Variants in LIPC observed in about 807,000 individuals in gnomAD.
LIPC encodes the protein lipase C, hepatic type, also known as hepatic triacylglycerol lipase.
In LIPC, 44 loss-of-function variants were observed where a neutral mutation model predicts 50.7. The observed-to-expected ratio is 0.87, with a 90% confidence interval of 0.68 to 1.11. The LOEUF is 1.11. Among genes scored for constraint, LIPC ranks in the 50% most tolerant of loss-of-function variants. The pLI, the probability that LIPC is intolerant of heterozygous loss-of-function variation, is 0.00. For missense variants in LIPC, 697 were observed against 648.2 expected (o/e 1.08, Z -0.82); for synonymous variants, 271 against 256.4 (o/e 1.06, Z -0.54).
At chr15:58,503,500 G>A (rs1892053544) in intron 1 of LIPC, among the ~76,000 whole-genome samples, 1 of 152,186 alleles carries the variant, frequency 6.6e-6, no homozygotes, top group Non-Finnish European at 1.5e-5. Flanking sequence ...GACTTGGTCT[G>A]CATGGGGCAG....
chr15:58,505,256 G>C (rs1892109636), intron 1 of LIPC, among the ~76,000 whole-genome samples: 1 of 152,238 alleles, frequency 6.6e-6, no homozygotes, highest in Non-Finnish European at 1.5e-5. Context: ...GCCAACTCCA[G>C]CCTCTGCTAC....
intron 8 of LIPC, among the ~76,000 whole-genome samples, chr15:58,564,708 C>G (rs1373625995): frequency 1.3e-5 from 2 of 152,076 alleles, no homozygotes; most frequent in Non-Finnish European, 2.9e-5. Flanking sequence ...GCCTGGATGA[C>G]AGAGAGAGAG....
At chr15:58,503,457 C>T (rs1330983561) in intron 1 of LIPC, among the ~76,000 whole-genome samples, 3 of 152,126 alleles carry the variant, frequency 2.0e-5, no homozygotes, top group African/African-American at 7.2e-5. Flanking sequence ...CTGGTGGTAC[C>T]AAGGAATCAT....
chr15:58,562,741 G>A (rs749273467), intron 7 of LIPC, among the ~76,000 whole-genome samples: 8 of 152,076 alleles, frequency 5.3e-5, no homozygotes, highest in South Asian at 2.1e-4. Flanking sequence ...CTGGCAGGGC[G>A]GGGGGATTCC....
At chr15:58,508,834 A>G (rs1268953458) in intron 1 of LIPC, among the ~76,000 whole-genome samples, 16 of 150,394 alleles carry the variant, frequency 1.1e-4, no homozygotes, top group Admixed American at 1.1e-3. Context: ...GGGTTTTTCA[A>G]CCCTTCATTC....
chr15:58,492,307 T>C (rs1891614353), intron 1 of LIPC, among the ~76,000 whole-genome samples: 1 of 152,180 alleles, frequency 6.6e-6, no homozygotes, highest in African/African-American at 2.4e-5. Flanking sequence ...TCCTAGGTAT[T>C]ATTACATAGC....
chr15:58,478,513 T>TATA (rs1891076944), intron 1 of LIPC, among the ~76,000 whole-genome samples: 1 of 152,198 alleles, frequency 6.6e-6, no homozygotes, highest in Admixed American at 6.5e-5. Context: ...GTGCTAGGAT[T>TATA]ATAAGCATGA....
intron 6 of LIPC, 90 bp from the exon 7 acceptor site, chr15:58,560,774 C>T: frequency 1.4e-6 from 1 of 704,924 alleles, no homozygotes; most frequent in Admixed American, 2.1e-5. Flanking sequence ...CTTCCCTCTG[C>T]ATGTTTAAAT....
intron 1 of LIPC, among the ~76,000 whole-genome samples, chr15:58,443,885 G>A (rs1228796394): frequency 3.3e-5 from 5 of 152,150 alleles, no homozygotes; most frequent in African/African-American, 4.8e-5. Context: ...CATTCTCAAG[G>A]GTGGGGAGAG....
chr15:58,476,819 T>A (rs1354682171), intron 1 of LIPC, among the ~76,000 whole-genome samples: 4 of 152,246 alleles, frequency 2.6e-5, no homozygotes, highest in Non-Finnish European at 5.9e-5. Context: ...GCCTCTGTAC[T>A]TGAGAAGCTG....
chr15:58,481,497 A>C (rs1173274614), intron 1 of LIPC, among the ~76,000 whole-genome samples: 2 of 152,192 alleles, frequency 1.3e-5, no homozygotes, highest in Admixed American at 6.5e-5. Flanking sequence ...CAAGAACACT[A>C]TGCAGCCTTT....
chr15:58,444,753 T>G (rs1595852272), intron 1 of LIPC, among the ~76,000 whole-genome samples: 1 of 152,226 alleles, frequency 6.6e-6, no homozygotes, highest in Admixed American at 6.5e-5. Flanking sequence ...AGTCACATTC[T>G]GAGGTACTGA....
intron 1 of LIPC, among the ~76,000 whole-genome samples, chr15:58,511,274 C>T (rs1395767054): frequency 6.6e-6 from 1 of 152,140 alleles, no homozygotes; most frequent in Non-Finnish European, 1.5e-5. Flanking sequence ...GTCCTCTTCC[C>T]CATTCTTCTC....
intron 6 of LIPC, among the ~76,000 whole-genome samples, chr15:58,558,204 C>G (rs866795800): frequency 3.1e-4 from 47 of 152,096 alleles, no homozygotes; most frequent in African/African-American, 1.1e-3. Context: ...TCCCGAGTAG[C>G]TGGGACTACA....
At chr15:58,457,826 C>T (rs1273341051) in intron 1 of LIPC, among the ~76,000 whole-genome samples, 8 of 152,178 alleles carry the variant, frequency 5.3e-5, no homozygotes, top group African/African-American at 1.7e-4. Context: ...TGTCCACCTC[C>T]GTGATTCACA....
chr15:58,551,461 A>T (rs1012238679), intron 6 of LIPC, among the ~76,000 whole-genome samples: 11 of 152,240 alleles, frequency 7.2e-5, no homozygotes, highest in Admixed American at 2.6e-4. Context: ...TGTCAGTTAC[A>T]CAAGCCACCT....
intron 1 of LIPC, among the ~76,000 whole-genome samples, chr15:58,438,518 G>A (rs1039567148): frequency 6.6e-6 from 1 of 152,020 alleles, no homozygotes; most frequent in East Asian, 1.9e-4. Context: ...TGCCCAGCAG[G>A]CTGGACTTCA....
intron 1 of LIPC, among the ~76,000 whole-genome samples, chr15:58,485,160 T>C (rs75817136): frequency 8.4e-4 from 128 of 152,194 alleles, no homozygotes; most frequent in Non-Finnish European, 1.5e-3. Context: ...TGGGCTGACA[T>C]GTAGAATGCA....
rs538785250 is a variant in LIPC, at chr15:58,552,819, G to A, written c.1051+4247G>A. 1.2e-4 allele frequency among the ~76,000 whole-genome samples: 19 copies of A among 152,334 alleles called. No homozygotes were observed. The South Asian group carries it at 2.9e-3, about 23-fold the overall frequency. The stretch of plus-strand genomic sequence containing the variant: ...AAGGAGTGTCAAGAATCTTGGCCTT[G>A]CTGCCAACCACTTATGTGACCTTGA... On this transcript the variant is annotated intron_variant, in intron 6 of 8. Coordinates refer to ENST00000299022, the MANE Select transcript of LIPC (RefSeq NM_000236.3).
Sources: allele counts gnomAD v4.1 joint callset (sites outside exome capture counted in the v4.1 genomes callset), GRCh38; gene constraint gnomAD v4.1.1; transcripts MANE v1.5; gene names NCBI Gene and HGNC (gene_info 2026-07-23, HGNC 2026-07-21).